NOTCH1: variants seen among roughly 807,000 people sequenced by gnomAD.
The protein encoded by NOTCH1 is neurogenic locus notch homolog protein 1.
NOTCH1 carries 37 observed loss-of-function variants against 254.8 expected under a neutral mutation model. The ratio of observed to expected loss-of-function variants is 0.15; its 90% CI spans 0.11 to 0.19. The LOEUF is 0.19. Among genes scored for constraint, NOTCH1 ranks in the 10% least tolerant of loss-of-function variants. The probability of loss-of-function intolerance (pLI) is 1.00; values close to 1 mark genes in which losing one functional copy is unlikely to be tolerated. For synonymous variants in NOTCH1, 1,731 were observed against 1,618.1 expected (o/e 1.07, Z -1.68); for missense variants, 2,972 against 3,708.6 (o/e 0.80, Z 5.16).
chr9:136,512,986 C>A (rs749533495), intron 15 of NOTCH1, 35 bp downstream of exon 15: 1 of 817,518 alleles, frequency 1.2e-6, no homozygotes. Context: ...ACATAGGCCC[C>A]GCCCCCTCCA....
intron 31 of NOTCH1, among the ~76,000 whole-genome samples, chr9:136,499,738 C>T (rs1842968217): frequency 6.6e-6 from 1 of 152,222 alleles, no homozygotes; most frequent in African/African-American, 2.4e-5. Context: ...ATGGCCCCTG[C>T]TCACTGGCGG....
rs201499253 is a variant in NOTCH1 at position 136,497,025 on chromosome 9, G to A, written c.6714C>T (p.Pro2238=). 6.5e-5 allele frequency: 105 copies of A among 1,609,436 alleles called. 1 individual carries two copies. In the East Asian group the frequency reaches 1.4e-3, roughly 21 times the overall value. The change falls in exon 34 of 34, where the codon CCC becomes CCT. Residue 2238 remains proline (P), a synonymous_variant. Transcript: ENST00000651671. The part of the protein sequence containing the change: ...SVPLNHLPGM[P]DTHLGIGHLN... ...GGTGCCCGATGCCCAGGTGGGTGTCGGGCATCCCAGGCAGGTGGTTGAGGG... is the reference window on the plus strand; with the variant it reads ...GGTGCCCGATGCCCAGGTGGGTGTCAGGCATCCCAGGCAGGTGGTTGAGGG...
intron 2 of NOTCH1, among the ~76,000 whole-genome samples, chr9:136,538,368 C>T (rs999649622): frequency 6.6e-6 from 1 of 152,132 alleles, no homozygotes; most frequent in Admixed American, 6.5e-5. Context: ...TTCAGCCCGC[C>T]CCAGGGTCCC....
At chr9:136,526,947 G>A (rs905612530) in intron 2 of NOTCH1, among the ~76,000 whole-genome samples, 5 of 152,132 alleles carry the variant, frequency 3.3e-5, no homozygotes, top group East Asian at 1.9e-4. Context: ...CCCATTGTCC[G>A]CCCCCACTCC....
chr9:136,499,128 G>A lies in NOTCH1; in HGVS notation c.6066C>T (p.Asn2022=), dbSNP rs553831698. 6.8e-6 allele frequency: 11 copies of A among 1,613,210 alleles called. No individual in the cohort carries two copies. The highest frequency in any genetic ancestry group is 1.3e-5 in the African/African-American group (1 of 75,076). ...EDLINSHADV[N]AVDDLGKSAL... ...TGGGCTCACCCAGGTCATCTACGGC[G>A]TTGACGTCGGCGTGTGAGTTGATGA... The change falls in exon 32 of 34, where the codon AAC becomes AAT. Residue 2022 remains asparagine (N), a synonymous_variant. Coordinates refer to ENST00000651671, the MANE Select transcript of NOTCH1 (RefSeq NM_017617.5).
chr9:136,535,281 C>T (rs1004230498), intron 2 of NOTCH1, among the ~76,000 whole-genome samples: 12 of 151,976 alleles, frequency 7.9e-5, no homozygotes, highest in South Asian at 4.2e-4. Context: ...GGGACCCACC[C>T]GAAGCCACCG....
chr9:136,524,398 G>A (rs1843425827), intron 2 of NOTCH1, among the ~76,000 whole-genome samples: 1 of 152,190 alleles, frequency 6.6e-6, no homozygotes, highest in Non-Finnish European at 1.5e-5. Flanking sequence ...TCCACAGCCC[G>A]GGCAGGGGTC....
rs774701000 is a variant in NOTCH1 at position 136,513,393 on chromosome 9, G to A, written c.2352C>T (p.Ser784=). The A allele has an allele frequency of 9.1e-5, 146 of 1,612,788 alleles. No individual in the cohort carries two copies. The highest frequency in any genetic ancestry group is 1.8e-4 in the Admixed American group (11 of 60,016). The change falls in exon 14 of 34, where the codon AGC becomes AGT. Residue 784 remains serine, a splice_region_variant and synonymous_variant. Transcript: ENST00000651671. The surrounding 1 kb of genome is among the most constrained non-coding windows in gnomAD (Gnocchi z 4.7). ...CTGAGAAACGCGCAGCCCACTCACCGCTGAAGCCCTCCCGGCAGGTGCACA... is the reference window on the plus strand; with the variant it reads ...CTGAGAAACGCGCAGCCCACTCACCACTGAAGCCCTCCCGGCAGGTGCACA... ...GYVCTCREGF[S]GPNCQTNINE... is the part of the protein sequence containing the mutation.
chr9:136,530,563 C>T (rs1407300058), intron 2 of NOTCH1, among the ~76,000 whole-genome samples: 1 of 147,172 alleles, frequency 6.8e-6, no homozygotes, highest in Non-Finnish European at 1.5e-5. Flanking sequence ...CTCTGAGACC[C>T]CAGGAACTAG....
chr9:136,512,973 C>T (rs1488784202), intron 15 of NOTCH1, 48 bp downstream of exon 15: 1 of 602,712 alleles, frequency 1.7e-6, no homozygotes, highest in East Asian at 3.8e-5. Context: ...TCCCGCCCCT[C>T]CCACATAGGC....
At chr9:136,534,737 G>A (rs949641139) in intron 2 of NOTCH1, among the ~76,000 whole-genome samples, 2 of 151,996 alleles carry the variant, frequency 1.3e-5, no homozygotes, top group African/African-American at 4.8e-5. Flanking sequence ...GGACCCCGAT[G>A]GGGCCGCTGT....
Position 136,513,584 on chromosome 9 carries a change from G to T in NOTCH1, c.2208-47C>A. 1 of 1,608,902 alleles carries T rather than the reference G, an allele frequency of 6.2e-7. No homozygotes were observed. Among genetic ancestry groups the T allele is most frequent in the Non-Finnish European group, 8.5e-7 (1 of 1,178,020 alleles). ...AGGTCGAGGGAGGCCCGAGCAGCAC[G>T]GCCGGGGCCTGGGCACTCCCGGGTC... On this transcript the variant is annotated intron_variant, in intron 13 of 33. Coordinates refer to ENST00000651671, the MANE Select transcript of NOTCH1 (RefSeq NM_017617.5). The surrounding 1 kb of genome is among the most constrained non-coding windows in gnomAD (Gnocchi z 4.7).
chr9:136,526,429 C>T (rs1434175079), intron 2 of NOTCH1, among the ~76,000 whole-genome samples: 1 of 152,254 alleles, frequency 6.6e-6, no homozygotes. Flanking sequence ...GGAGGCTCCT[C>T]AGCCTGGCCC....
intron 2 of NOTCH1, among the ~76,000 whole-genome samples, chr9:136,526,723 G>C: frequency 6.6e-6 from 1 of 152,222 alleles, no homozygotes; most frequent in Non-Finnish European, 1.5e-5. Context: ...GACTGTGGGA[G>C]AATCTGCCCA....
At chr9:136,514,769 T>C (rs548228916) in intron 12 of NOTCH1, 67 bp from the exon 13 acceptor site, 3 of 1,497,172 alleles carry the variant, frequency 2.0e-6, no homozygotes, top group Non-Finnish European at 1.8e-6. Context: ...TCAACCTCGA[T>C]TTCCCTGTCT....
rs1382743269 is a variant in NOTCH1, at chr9:136,509,800, T to C, written c.2902A>G (p.Thr968Ala). 2 of 1,613,112 alleles carry C rather than the reference T, an allele frequency of 1.2e-6. No homozygotes were observed. The highest frequency in any genetic ancestry group is 3.3e-5 in the Admixed American group (2 of 60,032). The change falls in exon 18 of 34, where the codon ACG (threonine) becomes GCG (alanine). Residue 968 changes from threonine (T) to alanine (A), a missense_variant. Around this residue, in one of 8 missense-constraint regions of NOTCH1, gnomAD observed 1,343 missense variants for 1,557.0 expected, o/e 0.86. Coordinates refer to ENST00000651671, the MANE Select transcript of NOTCH1 (RefSeq NM_017617.5). ...CTGAAGCCTGCGGGGCAGGTGCACG[T>C]GTAGCTGTCCACGCAGTCCGTGCAG... Reference protein sequence around the residue: ...ANCTDCVDSYTCTCPAGFSGI... With the variant: ...ANCTDCVDSYACTCPAGFSGI...
At chr9:136,507,761 C>T (rs1042852648) in intron 21 of NOTCH1, among the ~76,000 whole-genome samples, 194 bp downstream of exon 21, 3 of 152,186 alleles carry the variant, frequency 2.0e-5, no homozygotes, top group Non-Finnish European at 4.4e-5. Context: ...AGTATAGGTA[C>T]CCTCCTTCAG....
At chr9:136,543,626 G>A (rs1464005135) in intron 2 of NOTCH1, 3 of 384,618 alleles carry the variant, frequency 7.8e-6, no homozygotes, top group African/African-American at 6.2e-5. Flanking sequence ...GTGCCCAGGA[G>A]GCATCACCCG....
intron 31 of NOTCH1, among the ~76,000 whole-genome samples, chr9:136,500,179 CGCCGGCA>C (rs1336466144): frequency 6.6e-6 from 1 of 152,222 alleles, no homozygotes; most frequent in Non-Finnish European, 1.5e-5. Context: ...CCACAGGCTA[CGCCGGCA>C]GCCAAGGTTG....
Sources: gnomAD v4.1 joint callset for allele counts (sites outside exome capture counted in the v4.1 genomes callset) on GRCh38, gnomAD v4.1.1 for gene constraint, gnomAD v4.1.1 regional missense constraint, Gnocchi (gnomAD v3.1) non-coding constraint, MANE v1.5 for transcripts, NCBI Gene and HGNC (gene_info 2026-07-23, HGNC 2026-07-21) for gene names.